Variants in AFF3 observed in about 807,000 individuals in gnomAD.
The protein encoded by AFF3 is ALF transcription elongation factor 3, also known as AF4/FMR2 family member 3.
A neutral mutation model predicts 129.7 loss-of-function variants in AFF3; 32 were observed. The observed-to-expected ratio is 0.25, with a 90% confidence interval of 0.19 to 0.33. The LOEUF (loss-of-function observed/expected upper bound fraction) is 0.33, where lower values mean the gene tolerates loss of function less well. Among genes scored for constraint, AFF3 ranks in the 10% least tolerant of loss-of-function variants. AFF3 has a pLI of 1.00. For synonymous variants in AFF3, 644 were observed against 635.4 expected (o/e 1.01, Z -0.20); for missense variants, 1,373 against 1,592.0 (o/e 0.86, Z 2.34).
chr2:99,815,261 A>C (rs1174534010), intron 8 of AFF3, among the ~76,000 whole-genome samples: 1 of 152,210 alleles, frequency 6.6e-6, no homozygotes, highest in Non-Finnish European at 1.5e-5. Context: ...AAAATATAAC[A>C]AAATTTTACC....
chr2:100,063,415 C>T (rs1435569935), intron 4 of AFF3, among the ~76,000 whole-genome samples: 1 of 151,990 alleles, frequency 6.6e-6, no homozygotes, highest in Non-Finnish European at 1.5e-5. Flanking sequence ...TGTATTTTAC[C>T]ACAATTTTTT....
intron 11 of AFF3, among the ~76,000 whole-genome samples, chr2:99,703,207 T>A (rs1677039096): frequency 6.6e-6 from 1 of 152,128 alleles, no homozygotes. Context: ...TTTTTTCCAG[T>A]TTCTAGAGGC....
chr2:99,547,495 C>CTT lies in AFF3; in HGVS notation c.*3977_*3978dup, dbSNP rs34122848. The CTT allele has an allele frequency of 1.7e-4, 31 of 183,838 alleles. No individual in the cohort carries two copies. Among genetic ancestry groups the CTT allele is most frequent in the East Asian group, 2.6e-4 (3 of 11,594 alleles). The allele number at this position is 183,838 out of a possible 1,614,324, so 11.4% of individuals were successfully genotyped here. A position where few individuals can be genotyped will look rare whatever the true frequency, so the allele number is the denominator to read the frequency against. Reference sequence around the variant, plus strand: ...TGTCTACATTGTTAAAAAAATCTTGCTTTTTTTTTTTTTTGGTGATGCAGA... The same window carrying CTT: ...TGTCTACATTGTTAAAAAAATCTTGCTTTTTTTTTTTTTTTTGGTGATGCAGA... On this transcript the variant is annotated 3_prime_UTR_variant, in exon 25 of 25. Coordinates refer to ENST00000672756, the MANE Select transcript of AFF3 (RefSeq NM_001386135.1).
intron 2 of AFF3, chr2:100,106,202 T>C (rs975652863): frequency 1.3e-5 from 15 of 1,187,828 alleles, no homozygotes; most frequent in South Asian, 1.1e-4. Context: ...CCATAACTAA[T>C]GTGCAAAATG....
chr2:99,946,473 T>TAAAAAAAAAAAAAAAAAAA (rs55672296), intron 7 of AFF3, among the ~76,000 whole-genome samples: 1 of 50,486 alleles, frequency 2.0e-5, no homozygotes, highest in African/African-American at 8.9e-5. Context: ...GACGCCATCT[T>TAAAAAAAAAAAAAAAAAAA]AAAAAAAAAA....
chr2:99,684,126 G>T (rs944665244), intron 11 of AFF3, among the ~76,000 whole-genome samples: 1 of 152,140 alleles, frequency 6.6e-6, no homozygotes, highest in Non-Finnish European at 1.5e-5. Context: ...GAGAATTAAG[G>T]CCTAAGACTC....
intron 8 of AFF3, among the ~76,000 whole-genome samples, chr2:99,761,787 A>G (rs765314635): frequency 5.3e-5 from 8 of 152,216 alleles, no homozygotes; most frequent in Non-Finnish European, 8.8e-5. Flanking sequence ...TCACTGCCAC[A>G]GGAGAGTTCC....
At chr2:99,697,423 A>G (rs1299583730) in intron 11 of AFF3, among the ~76,000 whole-genome samples, 1 of 152,246 alleles carries the variant, frequency 6.6e-6, no homozygotes, top group Non-Finnish European at 1.5e-5. Context: ...CAACCCAAAG[A>G]GCAACTGTGA....
At chr2:100,117,246 T>C (rs1029933727) in intron 2 of AFF3, among the ~76,000 whole-genome samples, 1 of 152,196 alleles carries the variant, frequency 6.6e-6, no homozygotes, top group African/African-American at 2.4e-5. Flanking sequence ...TTTCCTCTTC[T>C]TCTGAGACTT....
At chr2:99,915,835 GGAATT>G (rs889012706) in intron 7 of AFF3, among the ~76,000 whole-genome samples, 34 of 152,042 alleles carry the variant, frequency 2.2e-4, no homozygotes, top group African/African-American at 8.2e-4. Context: ...TTTTAATTAT[GGAATT>G]GAATTGAGAA....
chr2:100,032,909 TAGTA>T (rs1436385871), intron 4 of AFF3, among the ~76,000 whole-genome samples: 2 of 152,220 alleles, frequency 1.3e-5, no homozygotes, highest in African/African-American at 4.8e-5. Context: ...TTACCATAAG[TAGTA>T]AGTAATAATT....
chr2:99,708,844 A>G (rs1027017782), intron 11 of AFF3, among the ~76,000 whole-genome samples: 1 of 152,244 alleles, frequency 6.6e-6, no homozygotes, highest in Non-Finnish European at 1.5e-5. Flanking sequence ...AGGGCGACAC[A>G]TAATTCCAAA....
At chr2:99,936,059 C>T (rs1674498196) in intron 7 of AFF3, among the ~76,000 whole-genome samples, 1 of 151,634 alleles carries the variant, frequency 6.6e-6, no homozygotes, top group African/African-American at 2.4e-5. Context: ...TTAAAAAAAT[C>T]TCCATTATTT....
chr2:100,087,234 G>GAT (rs1689516479), intron 4 of AFF3, among the ~76,000 whole-genome samples: 1 of 152,046 alleles, frequency 6.6e-6, no homozygotes, highest in African/African-American at 2.4e-5. Flanking sequence ...GGCCCTGAAG[G>GAT]TATTTGAATT....
At chr2:99,626,402 C>T (rs551060220) in intron 13 of AFF3, among the ~76,000 whole-genome samples, 2 of 134,550 alleles carry the variant, frequency 1.5e-5, no homozygotes, top group South Asian at 5.8e-4. Flanking sequence ...TTCCTCCCTT[C>T]CCTTCCCTCC....
chr2:99,650,796 A>ATGCGTGTGTGTG lies in AFF3; in HGVS notation c.1144-1131_1144-1130insCACACACACGCA, dbSNP rs1553417669. The stretch of plus-strand genomic sequence containing the variant: ...TTGTTTTTTTCTTCTACTAAAATTA[A>ATGCGTGTGTGTG]TGTGTGTGTGTGTGTGTGTGTGTGT... On this transcript the variant is annotated intron_variant, in intron 12 of 24. Transcript: ENST00000672756. 3.7e-3 allele frequency among the ~76,000 whole-genome samples: 538 copies of ATGCGTGTGTGTG among 144,824 alleles called. 4 individuals are homozygous for ATGCGTGTGTGTG. Among genetic ancestry groups the ATGCGTGTGTGTG allele is most frequent in the Non-Finnish European group, 4.5e-3 (296 of 65,804 alleles).
intron 7 of AFF3, among the ~76,000 whole-genome samples, chr2:99,904,526 T>G (rs1042275464): frequency 6.6e-6 from 1 of 152,160 alleles, no homozygotes; most frequent in African/African-American, 2.4e-5. Flanking sequence ...AAACACTAGT[T>G]GATATAACAA....
chr2:99,672,201 C>T (rs867509216), intron 12 of AFF3, among the ~76,000 whole-genome samples: 708 of 30,598 alleles, frequency 0.023, 13 homozygotes, highest in African/African-American at 0.14. Context: ...CACACACACA[C>T]ACACACACAC....
At chr2:99,598,585 A>G (rs999140808) in intron 14 of AFF3, among the ~76,000 whole-genome samples, 2 of 152,228 alleles carry the variant, frequency 1.3e-5, no homozygotes, top group African/African-American at 4.8e-5. Context: ...GTGCTGGGAC[A>G]TGGTGGGGAG....
Sources: gnomAD v4.1 joint callset for allele counts (sites outside exome capture counted in the v4.1 genomes callset) on GRCh38, gnomAD v4.1.1 for gene constraint, MANE v1.5 for transcripts, NCBI Gene and HGNC (gene_info 2026-07-23, HGNC 2026-07-21) for gene names.